Variants in B3GALT1 observed in about 807,000 individuals in gnomAD.
B3GALT1 encodes the protein UDP-Gal:betaGlcNAc beta 1,3-galactosyltransferase, polypeptide 1.
In B3GALT1, 10 loss-of-function variants were observed where a neutral mutation model predicts 23.2. The ratio of observed to expected loss-of-function variants is 0.43; its 90% CI spans 0.27 to 0.73. The LOEUF (loss-of-function observed/expected upper bound fraction) is 0.73. Among genes scored for constraint, B3GALT1 ranks in the 30% least tolerant of loss-of-function variants. The probability of loss-of-function intolerance (pLI) is 0.21; values close to 1 mark genes in which losing one functional copy is unlikely to be tolerated. For missense variants in B3GALT1, 299 were observed against 405.4 expected (o/e 0.74, Z 2.25); for synonymous variants, 156 against 141.5 (o/e 1.10, Z -0.73).
At chr2:167,694,540 A>G (rs965142520) in intron 3 of B3GALT1, among the ~76,000 whole-genome samples, 6 of 152,178 alleles carry the variant, frequency 3.9e-5, no homozygotes, top group Admixed American at 3.9e-4. Context: ...AGCAAAGAAT[A>G]ATTATTCAAT....
At chr2:167,747,523 A>G (rs1370087849) in intron 3 of B3GALT1, among the ~76,000 whole-genome samples, 2 of 152,248 alleles carry the variant, frequency 1.3e-5, no homozygotes, top group African/African-American at 4.8e-5. Context: ...GTAGAAGGCC[A>G]TTGTAGACAG....
intron 1 of B3GALT1, among the ~76,000 whole-genome samples, chr2:167,407,421 A>G (rs916308806): frequency 2.6e-5 from 4 of 152,296 alleles, no homozygotes; most frequent in African/African-American, 7.2e-5. Flanking sequence ...CTAAGAATGC[A>G]TCTCAAGGAA....
At chr2:167,792,353 G>C (rs185586451) in intron 3 of B3GALT1, among the ~76,000 whole-genome samples, 1 of 152,234 alleles carries the variant, frequency 6.6e-6, no homozygotes, top group East Asian at 1.9e-4. Flanking sequence ...CATGGCCCCT[G>C]GCTCCAAGGC....
intron 2 of B3GALT1, among the ~76,000 whole-genome samples, chr2:167,524,487 A>G (rs1312480445): frequency 4.6e-5 from 7 of 152,196 alleles, no homozygotes; most frequent in Admixed American, 2.0e-4. Context: ...AGGCTGTTAA[A>G]AACCTCTGAA....
At chr2:167,738,370 T>C (rs935654538) in intron 3 of B3GALT1, among the ~76,000 whole-genome samples, 3 of 152,146 alleles carry the variant, frequency 2.0e-5, no homozygotes, top group African/African-American at 7.2e-5. Context: ...TCAAATTAAA[T>C]GAAAGATCAA....
intron 2 of B3GALT1, among the ~76,000 whole-genome samples, chr2:167,641,569 C>T (rs1229185404): frequency 6.6e-6 from 1 of 152,188 alleles, no homozygotes; most frequent in Non-Finnish European, 1.5e-5. Flanking sequence ...ATGTTAGCTG[C>T]TATTATTTTT....
At chr2:167,793,978 C>G (rs761494869) in intron 3 of B3GALT1, among the ~76,000 whole-genome samples, 15 of 152,144 alleles carry the variant, frequency 9.9e-5, no homozygotes, top group Non-Finnish European at 1.8e-4. Context: ...TCACAACCAG[C>G]CTATGTTTCA....
chr2:167,440,855 A>G (rs554814568), intron 1 of B3GALT1, among the ~76,000 whole-genome samples: 7 of 151,688 alleles, frequency 4.6e-5, no homozygotes, highest in South Asian at 4.2e-4. Flanking sequence ...TCCTAATTTG[A>G]TCTTTTTTTC....
rs1406145422 is a variant in B3GALT1, at chr2:167,521,982, G to GTATATA, written c.-410+31706_-410+31707insATATAT. On this transcript the variant is annotated intron_variant, in intron 2 of 4. Transcript: ENST00000392690. ...TACCAACATATATGTGTGTGTGTGT[G>GTATATA]TGTATATATATATATATATATATAC... Among the ~76,000 whole-genome samples, 134 of 135,228 alleles carry GTATATA rather than the reference G, an allele frequency of 9.9e-4. 1 individual carries two copies. Among genetic ancestry groups the GTATATA allele is most frequent in the South Asian group, 9.3e-3 (38 of 4,084 alleles). 88.7% of individuals were successfully genotyped at this position (135,228 alleles called of 152,430 possible).
intron 1 of B3GALT1, among the ~76,000 whole-genome samples, chr2:167,318,317 C>T (rs1006222227): frequency 1.3e-5 from 2 of 152,042 alleles, no homozygotes; most frequent in African/African-American, 4.8e-5. Context: ...AAAACTCTGT[C>T]TCAAAACAAA....
chr2:167,343,517 C>G (rs544508118), intron 1 of B3GALT1, among the ~76,000 whole-genome samples: 1 of 152,102 alleles, frequency 6.6e-6, no homozygotes, highest in Non-Finnish European at 1.5e-5. Flanking sequence ...TCAGAAGGAA[C>G]CAGGCTTTTT....
At chr2:167,444,217 C>G (rs1488622986) in intron 1 of B3GALT1, among the ~76,000 whole-genome samples, 2 of 152,126 alleles carry the variant, frequency 1.3e-5, no homozygotes, top group African/African-American at 4.8e-5. Context: ...GGGATGAAGC[C>G]CACTTGATCA....
rs113780744 is a variant in B3GALT1, at chr2:167,863,253, G to T, written c.-229-5558G>T. On this transcript the variant is annotated intron_variant, in intron 4 of 4. Transcript: ENST00000392690. Reference sequence around the variant, plus strand: ...CTTAAGCAGAAAAACCTGTACTCACGAAGCTGGATGAACAAACCAAAACAC... The same window carrying T: ...CTTAAGCAGAAAAACCTGTACTCACTAAGCTGGATGAACAAACCAAAACAC... Among the ~76,000 whole-genome samples the T allele has an allele frequency of 9.5e-3, 1,441 of 151,916 alleles. 19 individuals carry two copies. The highest frequency in any genetic ancestry group is 0.033 in the African/African-American group (1,355 of 41,424).
At chr2:167,598,247 A>G (rs968036324) in intron 2 of B3GALT1, among the ~76,000 whole-genome samples, 11 of 152,138 alleles carry the variant, frequency 7.2e-5, no homozygotes, top group African/African-American at 1.9e-4. Flanking sequence ...CAAACCCTCA[A>G]TTCTGATTGT....
At chr2:167,801,235 A>G (rs1356706997) in intron 3 of B3GALT1, among the ~76,000 whole-genome samples, 2 of 152,238 alleles carry the variant, frequency 1.3e-5, no homozygotes, top group Non-Finnish European at 2.9e-5. Flanking sequence ...TTTGTCGTCT[A>G]TCAAAGAACC....
intron 3 of B3GALT1, among the ~76,000 whole-genome samples, chr2:167,792,374 T>C (rs903628928): frequency 1.3e-5 from 2 of 152,182 alleles, no homozygotes; most frequent in African/African-American, 4.8e-5. Flanking sequence ...ATTTGTAGTT[T>C]ACTGAAAAAG....
At chr2:167,463,570 TC>T (rs1219115374) in intron 1 of B3GALT1, among the ~76,000 whole-genome samples, 8 of 152,162 alleles carry the variant, frequency 5.3e-5, no homozygotes, top group Non-Finnish European at 1.0e-4. Flanking sequence ...GGACCCATAA[TC>T]ACTTACTTGA....
intron 1 of B3GALT1, among the ~76,000 whole-genome samples, chr2:167,363,772 C>CG (rs1553514884): frequency 6.6e-6 from 1 of 152,140 alleles, no homozygotes; most frequent in Non-Finnish European, 1.5e-5. Flanking sequence ...ATTTCCATCT[C>CG]TGATTCCCAA....
intron 3 of B3GALT1, among the ~76,000 whole-genome samples, chr2:167,647,881 A>G (rs1685776320): frequency 6.6e-6 from 1 of 152,190 alleles, no homozygotes; most frequent in Non-Finnish European, 1.5e-5. Context: ...CACATCATGA[A>G]GAATGGGGTT....
Sources: gnomAD v4.1 joint callset for allele counts (sites outside exome capture counted in the v4.1 genomes callset) on GRCh38, gnomAD v4.1.1 for gene constraint, MANE v1.5 for transcripts, NCBI Gene and HGNC (gene_info 2026-07-23, HGNC 2026-07-21) for gene names.